RREB1: variants seen among roughly 807,000 people sequenced by gnomAD.
RREB1 encodes ras responsive element binding protein 1.
RREB1 carries 27 observed loss-of-function variants against 117.8 expected under a neutral mutation model. The ratio of observed to expected loss-of-function variants is 0.23; its 90% CI spans 0.17 to 0.32. The LOEUF (loss-of-function observed/expected upper bound fraction) is 0.32, where lower values mean the gene tolerates loss of function less well. RREB1 is among the 10% of genes least tolerant of loss of function. The probability of loss-of-function intolerance (pLI) is 1.00; values close to 1 mark genes in which losing one functional copy is unlikely to be tolerated. For synonymous variants in RREB1, 1,298 were observed against 1,026.7 expected, an observed-to-expected ratio of 1.26 and a Z score of -5.05; for missense variants, 2,577 against 2,378.2, an observed-to-expected ratio of 1.08 and a Z score of -1.74.
intron 4 of RREB1, among the ~76,000 whole-genome samples, chr6:7,186,233 A>G (rs755148705): frequency 7.9e-5 from 12 of 152,148 alleles, no homozygotes; most frequent in Non-Finnish European, 1.3e-4. Context: ...CCGAGGTGCA[A>G]GCCTCCTTGG....
intron 6 of RREB1, among the ~76,000 whole-genome samples, chr6:7,200,813 A>T (rs1272212418): frequency 1.3e-5 from 2 of 152,110 alleles, no homozygotes; most frequent in Non-Finnish European, 2.9e-5. Context: ...GTTTTTTATC[A>T]TTTGGCCAAC....
At chr6:7,228,462 A>T (rs1767715517) in intron 9 of RREB1, among the ~76,000 whole-genome samples, 1 of 146,610 alleles carries the variant, frequency 6.8e-6, no homozygotes, top group African/African-American at 2.5e-5. Flanking sequence ...TTCCTTATTC[A>T]GTCCAGTGTG....
At chr6:7,143,292 T>C (rs927504887) in intron 1 of RREB1, among the ~76,000 whole-genome samples, 1 of 152,232 alleles carries the variant, frequency 6.6e-6, no homozygotes, top group Non-Finnish European at 1.5e-5. Context: ...TCTGACAGTT[T>C]TCAGGGATGC....
chr6:7,176,429 G>C (rs1457364713), intron 1 of RREB1, among the ~76,000 whole-genome samples: 1 of 152,154 alleles, frequency 6.6e-6, no homozygotes, highest in Non-Finnish European at 1.5e-5. Flanking sequence ...CTGGGGGATA[G>C]GGGTGTTCCT....
At chr6:7,148,486 A>G (rs1041575605) in intron 1 of RREB1, among the ~76,000 whole-genome samples, 1 of 148,598 alleles carries the variant, frequency 6.7e-6, no homozygotes, top group African/African-American at 2.5e-5. Flanking sequence ...AAAATTTTCA[A>G]TTGAGAAAAA....
intron 1 of RREB1, among the ~76,000 whole-genome samples, chr6:7,160,943 C>T (rs1007198416): frequency 6.6e-6 from 1 of 152,066 alleles, no homozygotes; most frequent in Non-Finnish European, 1.5e-5. Flanking sequence ...CTCAGCCTTC[C>T]AAAGTGCTGG....
Position 7,247,111 on chromosome 6 carries a change from C to T in RREB1, c.4661C>T (p.Ser1554Phe), listed in dbSNP as rs35742417. 14 of 1,613,530 alleles carry T rather than the reference C, an allele frequency of 8.7e-6. No individual in the cohort carries two copies. The highest frequency in any genetic ancestry group is 1.2e-5 in the Non-Finnish European group (14 of 1,179,920). Residue 1554 changes from serine to phenylalanine, a missense_variant, in exon 12 of 13, where the codon TCC (serine) becomes TTC (phenylalanine). Coordinates refer to ENST00000379938, the MANE Select transcript of RREB1 (RefSeq NM_001003699.4). ...GATGACAAGAAACCAAAGACAGACT[C>T]CCCCAAAAGCGTGGCCAGCAAGGCA... The part of the protein sequence containing the change: ...SDDDKKPKTD[S>F]PKSVASKADK...
chr6:7,134,856 A>ACT (rs1199381220), intron 1 of RREB1, among the ~76,000 whole-genome samples: 15 of 152,312 alleles, frequency 9.8e-5, no homozygotes, highest in African/African-American at 3.6e-4. Flanking sequence ...GAGTTCTGTA[A>ACT]CTAGAGCTAA....
At chr6:7,167,870 C>G (rs1764026632) in intron 1 of RREB1, among the ~76,000 whole-genome samples, 1 of 152,118 alleles carries the variant, frequency 6.6e-6, no homozygotes, top group African/African-American at 2.4e-5. Context: ...GTAAGGAGGG[C>G]AGTGTTATCA....
At position 7,230,028 on chromosome 6, in the gene RREB1, C is replaced by A; in HGVS notation, c.1929C>A (p.Tyr643Ter). The A allele has an allele frequency of 6.2e-7, 1 of 1,611,252 alleles. No individual in the cohort carries two copies. Among genetic ancestry groups the A allele is most frequent in the Admixed American group, 1.7e-5 (1 of 59,916 alleles). ...CGCCCGCCATGCGCAAGGTGCTCTA[C>A]CCCTGCCGCTTCTGCAACCAGGTGT... ...KKTPAMRKVLYPCRFCNQVFA... is the reference protein window; with the variant it reads ...KKTPAMRKVL The change falls in exon 10 of 13, where the codon TAC (tyrosine) becomes TAA (stop). Residue 643 changes from tyrosine to a stop codon, truncating the protein, a stop_gained. Transcript: ENST00000379938. LOFTEE classifies it high-confidence loss of function.
At chr6:7,206,839 G>C (rs970135566) in intron 6 of RREB1, among the ~76,000 whole-genome samples, 2 of 152,154 alleles carry the variant, frequency 1.3e-5, no homozygotes, top group African/African-American at 2.4e-5. Context: ...TTGAGTCCCA[G>C]AGGCGGGAAC....
At chr6:7,200,325 G>A (rs1038756063) in intron 6 of RREB1, among the ~76,000 whole-genome samples, 9 of 143,026 alleles carry the variant, frequency 6.3e-5, no homozygotes, top group African/African-American at 1.0e-4. Context: ...CACTCTTGTC[G>A]CCCAGGCTGG....
intron 1 of RREB1, among the ~76,000 whole-genome samples, chr6:7,141,258 C>T (rs9505047): frequency 2.0e-5 from 3 of 152,016 alleles, no homozygotes; most frequent in African/African-American, 7.2e-5. Context: ...GCTCGGTGTT[C>T]GTTCGCGCTG....
intron 12 of RREB1, 80 bp downstream of exon 12, chr6:7,247,301 C>A: frequency 2.3e-6 from 3 of 1,283,476 alleles, no homozygotes; most frequent in Non-Finnish European, 3.2e-6. Context: ...CCTGAAGCGG[C>A]GCTGGAGGCC....
chr6:7,235,418 A>G (rs565761855), intron 10 of RREB1, among the ~76,000 whole-genome samples: 1 of 152,176 alleles, frequency 6.6e-6, no homozygotes, highest in Non-Finnish European at 1.5e-5. Flanking sequence ...CACATGTTAA[A>G]CATTGACTCT....
chr6:7,246,485 G>C lies in RREB1; in HGVS notation c.4035G>C (p.Arg1345=), dbSNP rs1456758996. 1.3e-6 allele frequency: 2 copies of C among 1,542,470 alleles called. No individual in the cohort carries two copies. Among genetic ancestry groups the C allele is most frequent in the African/African-American group, 2.7e-5 (2 of 73,106 alleles). ...GCGAAGTGCTAGACCTCACCTCACG[G>C]GACAGAGAGCAGCCGTCGGAGGGCG... ...AAGEVLDLTS[R]DREQPSEGAT... Residue 1345 remains arginine, a synonymous_variant, in exon 12 of 13, where the codon CGG becomes CGC. Transcript: ENST00000379938.
chr6:7,145,636 G>C (rs907052304), intron 1 of RREB1, among the ~76,000 whole-genome samples: 1 of 151,960 alleles, frequency 6.6e-6, no homozygotes, highest in Non-Finnish European at 1.5e-5. Context: ...CTATTTTAGA[G>C]GACCTAACCT....
chr6:7,224,073 A>G (rs1388167364), intron 8 of RREB1, among the ~76,000 whole-genome samples: 4 of 152,174 alleles, frequency 2.6e-5, no homozygotes, highest in African/African-American at 4.8e-5. Context: ...AGGCTAGGTA[A>G]GATACCTGTG....
rs1317513030 is a variant in RREB1 at position 7,249,193 on chromosome 6, A to T, written c.*225A>T. The T allele has an allele frequency of 2.0e-6, 1 of 491,784 alleles. No homozygotes were observed. Among genetic ancestry groups the T allele is most frequent in the South Asian group, 4.3e-5 (1 of 23,202 alleles). The allele number at this position is 491,784 out of a possible 1,614,324, so 30.5% of individuals were successfully genotyped here. ...AGCCCGTGCCGATTCCAGTGCCTTAACTACTTACCGGATCCCTCCATATTA... is the reference window on the plus strand; with the variant it reads ...AGCCCGTGCCGATTCCAGTGCCTTATCTACTTACCGGATCCCTCCATATTA... On this transcript the variant is annotated 3_prime_UTR_variant, in exon 13 of 13. Coordinates refer to ENST00000379938, the MANE Select transcript of RREB1 (RefSeq NM_001003699.4).
Sources: allele counts gnomAD v4.1 joint callset (sites outside exome capture counted in the v4.1 genomes callset), GRCh38; gene constraint gnomAD v4.1.1; transcripts MANE v1.5; gene names NCBI Gene and HGNC (gene_info 2026-07-23, HGNC 2026-07-21).